The following NUP160 variants were observed in gnomAD, a reference collection of about 807,000 sequenced individuals.
The protein encoded by NUP160 is nucleoporin 160.
In NUP160, 94 loss-of-function variants were observed where a neutral mutation model predicts 196.9. That is an observed-to-expected ratio of 0.48 (90% confidence interval 0.40 to 0.57). NUP160 has a LOEUF of 0.57. Among genes scored for constraint, NUP160 ranks in the 20% least tolerant of loss-of-function variants. The pLI, the probability that NUP160 is intolerant of heterozygous loss-of-function variation, is 0.00. For missense variants in NUP160, 1,638 were observed against 1,748.3 expected, an observed-to-expected ratio of 0.94 and a Z score of 1.13; for synonymous variants, 605 against 619.7, an observed-to-expected ratio of 0.98 and a Z score of 0.35.
intron 7 of NUP160, among the ~76,000 whole-genome samples, chr11:47,833,639 A>G (rs1281736766): frequency 6.6e-6 from 1 of 152,174 alleles, no homozygotes; most frequent in Non-Finnish European, 1.5e-5. Flanking sequence ...CAATGATAAT[A>G]TCATCAATGA....
chr11:47,794,956 C>T (rs1255806368), intron 27 of NUP160, among the ~76,000 whole-genome samples: 4 of 151,766 alleles, frequency 2.6e-5, no homozygotes, highest in Non-Finnish European at 5.9e-5. Context: ...CAAAAACTAG[C>T]TGGGCATGGT....
At chr11:47,794,901 G>T (rs991843094) in intron 27 of NUP160, among the ~76,000 whole-genome samples, 1 of 151,548 alleles carries the variant, frequency 6.6e-6, no homozygotes, top group Non-Finnish European at 1.5e-5. Flanking sequence ...CGACAGAGCG[G>T]GACTCTGTCT....
chr11:47,806,816 C>T (rs1022148828), intron 19 of NUP160, among the ~76,000 whole-genome samples: 138 of 147,004 alleles, frequency 9.4e-4, no homozygotes, highest in Non-Finnish European at 1.7e-3. Flanking sequence ...CACACACACA[C>T]ACACACACAC....
intron 35 of NUP160, 73 bp from the exon 36 acceptor site, chr11:47,779,267 T>G: frequency 1.1e-6 from 1 of 949,590 alleles, no homozygotes; most frequent in Non-Finnish European, 1.6e-6. Context: ...TTAATAACTT[T>G]GACTTCACCA....
exon 6 of NUP160, chr11:47,836,979 G>A (rs1852188770): frequency 6.2e-7 from 1 of 1,612,898 alleles, no homozygotes; most frequent in Non-Finnish European, 8.5e-7. Context: ...CTGAGGGGAC[G>A]ATCTGAAGGC....
Position 47,793,028 on chromosome 11 carries a change from C to T in NUP160, c.3290-82G>A. ...TGGAGACAGAGTCTTGCTCTGTCGC[C>T]CAGGCTGGAGTGCAATGGCTTGATC... On this transcript the variant is annotated intron_variant, in intron 27 of 35. Transcript: ENST00000378460. 6 of 1,293,638 alleles carry T rather than the reference C, an allele frequency of 4.6e-6. No homozygotes were observed. In the South Asian group the frequency reaches 7.1e-5, roughly 15 times the overall value. 80.1% of individuals were successfully genotyped at this position (1,293,638 alleles called of 1,614,324 possible).
chr11:47,830,621 C>A (rs189737197), intron 7 of NUP160, among the ~76,000 whole-genome samples: 4 of 152,154 alleles, frequency 2.6e-5, no homozygotes, highest in Admixed American at 2.6e-4. Context: ...AAACCAAATA[C>A]CACATGTTCT....
chr11:47,843,667 G>A (rs576853151), intron 2 of NUP160, among the ~76,000 whole-genome samples: 1 of 152,310 alleles, frequency 6.6e-6, no homozygotes, highest in Admixed American at 6.5e-5. Flanking sequence ...TATGCAGAGG[G>A]TAGAAGCCAG....
chr11:47,839,976 T>C, exon 4 of NUP160: 2 of 1,614,164 alleles, frequency 1.2e-6, no homozygotes, highest in Non-Finnish European at 1.7e-6. Flanking sequence ...CAGGTACTGC[T>C]GGAATTAACT....
chr11:47,817,383 G>A (rs1404468375), intron 11 of NUP160, among the ~76,000 whole-genome samples: 3 of 140,892 alleles, frequency 2.1e-5, no homozygotes, highest in Non-Finnish European at 3.0e-5. Flanking sequence ...TCACTCTGCC[G>A]CCAGTTTGGA....
chr11:47,807,014 G>T, intron 19 of NUP160, 56 bp downstream of exon 19: 1 of 1,286,792 alleles, frequency 7.8e-7, no homozygotes, highest in Non-Finnish European at 1.1e-6. Context: ...CCACTTTAAT[G>T]AATATGCAAT....
chr11:47,809,734 C>CAAAAAAAAAAAAAAAAAAA (rs779243939), intron 17 of NUP160, among the ~76,000 whole-genome samples: 1 of 47,900 alleles, frequency 2.1e-5, no homozygotes, highest in East Asian at 6.9e-4. Flanking sequence ...GCAAGACTCT[C>CAAAAAAAAAAAAAAAAAAA]AAAAAAAAAA....
chr11:47,805,610 ATTTT>A (rs977200709), intron 20 of NUP160, among the ~76,000 whole-genome samples: 1 of 149,356 alleles, frequency 6.7e-6, no homozygotes, highest in Non-Finnish European at 1.5e-5. Flanking sequence ...TGCCTGGCTA[ATTTT>A]TTTTTGTATT....
At chr11:47,806,790 TACACACACACACACAC>T (rs57141346) in intron 19 of NUP160, among the ~76,000 whole-genome samples, 11,104 of 111,716 alleles carry the variant, frequency 0.099, 623 homozygotes, top group African/African-American at 0.16. Flanking sequence ...AAAGCAGCTA[TACACACACACACACAC>T]ACACACACAC....
Position 47,811,496 on chromosome 11 carries a change from A to AG in NUP160, c.2241+567_2241+568insC, listed in dbSNP as rs559656466. Among the ~76,000 whole-genome samples the AG allele has an allele frequency of 8.7e-3, 1,319 of 151,938 alleles. 11 individuals are homozygous for AG. Among genetic ancestry groups the AG allele is most frequent in the Middle Eastern group, 0.017 (5 of 294 alleles). On this transcript the variant is annotated intron_variant, in intron 17 of 35. Transcript: ENST00000378460. ...AAGATTGTCTCAAGAAAAAAAAAAAAAGAGAGAGAGACAGGAAAAAAAAAG... is the reference window on the plus strand; with the variant it reads ...AAGATTGTCTCAAGAAAAAAAAAAAAGAGAGAGAGAGACAGGAAAAAAAAAG...
At chr11:47,839,663 T>G (rs752060607) in intron 4 of NUP160, 180 bp downstream of exon 4, 9 of 614,904 alleles carry the variant, frequency 1.5e-5, no homozygotes, top group Non-Finnish European at 2.6e-5. Context: ...CCAATATGCT[T>G]TATAGTTCCT....
chr11:47,786,526 C>T, exon 32 of NUP160: 2 of 1,613,802 alleles, frequency 1.2e-6, no homozygotes, highest in Non-Finnish European at 8.5e-7. Context: ...GCTTGTGCTG[C>T]CTCTCCTCCA....
At chr11:47,838,289 A>G (rs1055716414) in intron 4 of NUP160, among the ~76,000 whole-genome samples, 2 of 152,180 alleles carry the variant, frequency 1.3e-5, no homozygotes, top group African/African-American at 4.8e-5. Flanking sequence ...GAATTACAAG[A>G]AGGCATGTGG....
intron 11 of NUP160, among the ~76,000 whole-genome samples, chr11:47,816,905 A>C (rs1327342679): frequency 2.0e-5 from 3 of 151,898 alleles, no homozygotes; most frequent in Non-Finnish European, 2.9e-5. Flanking sequence ...TGGCCTCCCA[A>C]AGTGCTGAGA....
Sources: allele counts gnomAD v4.1 joint callset (sites outside exome capture counted in the v4.1 genomes callset), GRCh38; gene constraint gnomAD v4.1.1; transcripts MANE v1.5; gene names NCBI Gene and HGNC (gene_info 2026-07-23, HGNC 2026-07-21).